The following CTNND2 variants were observed in gnomAD, a reference collection of about 807,000 sequenced individuals.
CTNND2 encodes catenin delta-2.
Under a neutral mutation model 144.4 loss-of-function variants are expected in CTNND2, and 22 were observed. The observed-to-expected ratio is 0.15, with a 90% CI of 0.11 to 0.22. The LOEUF (loss-of-function observed/expected upper bound fraction) is 0.22, where lower values mean the gene tolerates loss of function less well. Among genes scored for constraint, CTNND2 ranks in the 10% least tolerant of loss-of-function variants. CTNND2 has a pLI of 1.00. For missense variants in CTNND2, 1,353 were observed against 1,618.8 expected, an observed-to-expected ratio of 0.84 and a Z score of 2.82; for synonymous variants, 751 against 695.6, an observed-to-expected ratio of 1.08 and a Z score of -1.25.
At chr5:11,146,721 C>G (rs544147603) in intron 12 of CTNND2, among the ~76,000 whole-genome samples, 1 of 152,206 alleles carries the variant, frequency 6.6e-6, no homozygotes, top group Non-Finnish European at 1.5e-5. Context: ...ATGAGCACAT[C>G]GTGAGGACAA....
At chr5:11,347,336 C>T (rs1418837409) in intron 8 of CTNND2, among the ~76,000 whole-genome samples, 3 of 152,168 alleles carry the variant, frequency 2.0e-5, no homozygotes, top group African/African-American at 7.2e-5. Context: ...AAATAAGGAG[C>T]TGACTTAGCT....
intron 9 of CTNND2, among the ~76,000 whole-genome samples, chr5:11,318,252 T>C (rs1751699737): frequency 6.6e-6 from 1 of 152,180 alleles, no homozygotes; most frequent in Admixed American, 6.5e-5. Flanking sequence ...TCCCCTGCTA[T>C]CATCCCTTCT....
At chr5:11,111,600 C>T (rs116338395) in intron 13 of CTNND2, among the ~76,000 whole-genome samples, 35 of 152,284 alleles carry the variant, frequency 2.3e-4, no homozygotes, top group African/African-American at 7.7e-4. Flanking sequence ...AGATGCCTGA[C>T]ACTCATGTTT....
chr5:11,252,421 A>G (rs181792117), intron 9 of CTNND2, among the ~76,000 whole-genome samples: 18 of 152,334 alleles, frequency 1.2e-4, no homozygotes, highest in African/African-American at 3.8e-4. Context: ...CTACAGATTC[A>G]ATAATCAGAG....
chr5:11,344,319 A>G (rs1490552426), intron 9 of CTNND2, among the ~76,000 whole-genome samples: 3 of 152,030 alleles, frequency 2.0e-5, no homozygotes, highest in Non-Finnish European at 2.9e-5. Context: ...GTGAACCCGG[A>G]AGGCGGAGCT....
intron 7 of CTNND2, among the ~76,000 whole-genome samples, chr5:11,373,689 T>A (rs1340737199): frequency 6.6e-6 from 1 of 152,128 alleles, no homozygotes; most frequent in Non-Finnish European, 1.5e-5. Context: ...TGGCCAGGGG[T>A]CAAACTAATA....
intron 2 of CTNND2, among the ~76,000 whole-genome samples, chr5:11,664,262 A>G (rs1783433807): frequency 1.3e-5 from 2 of 152,218 alleles, no homozygotes; most frequent in Non-Finnish European, 2.9e-5. Context: ...ACAAACATTA[A>G]GAGTTTTCAG....
chr5:11,489,499 T>A (rs558132449), intron 3 of CTNND2, among the ~76,000 whole-genome samples: 7 of 152,292 alleles, frequency 4.6e-5, no homozygotes, highest in South Asian at 4.1e-4. Flanking sequence ...TTTCAAAAAT[T>A]CAATAAATGT....
intron 16 of CTNND2, among the ~76,000 whole-genome samples, chr5:11,045,471 T>C (rs372960293): frequency 1.3e-5 from 2 of 152,168 alleles, no homozygotes; most frequent in African/African-American, 4.8e-5. Context: ...TACTGAGGGA[T>C]CTGTCCCTGT....
chr5:11,270,018 A>G (rs961334145), intron 9 of CTNND2, among the ~76,000 whole-genome samples: 5 of 152,228 alleles, frequency 3.3e-5, no homozygotes, highest in Admixed American at 2.0e-4. Flanking sequence ...CAAACATTGT[A>G]TTTCACCAAT....
At chr5:11,876,321 G>C (rs1582047479) in intron 1 of CTNND2, among the ~76,000 whole-genome samples, 2 of 151,206 alleles carry the variant, frequency 1.3e-5, no homozygotes, top group African/African-American at 4.9e-5. Context: ...GGGAGGAGAA[G>C]AGAAGAGAGG....
intron 1 of CTNND2, among the ~76,000 whole-genome samples, chr5:11,772,757 G>A (rs769896208): frequency 2.0e-5 from 3 of 152,154 alleles, no homozygotes; most frequent in Non-Finnish European, 4.4e-5. Context: ...TTAAAGCCAC[G>A]GTGGGGGAGT....
At chr5:11,607,468 T>A (rs115606954) in intron 2 of CTNND2, among the ~76,000 whole-genome samples, 1,740 of 152,236 alleles carry the variant, frequency 0.011, 20 homozygotes, top group Non-Finnish European at 0.016. Flanking sequence ...ACAACAGTAA[T>A]CATATAGTTT....
chr5:11,025,106 G>A (rs1053639323), intron 16 of CTNND2, among the ~76,000 whole-genome samples: 4 of 151,740 alleles, frequency 2.6e-5, no homozygotes, highest in African/African-American at 7.2e-5. Flanking sequence ...TAGGCAATTG[G>A]AGATTTTTCA....
chr5:11,058,930 C>T (rs1006453144), intron 16 of CTNND2, among the ~76,000 whole-genome samples: 8 of 152,186 alleles, frequency 5.3e-5, no homozygotes, highest in Non-Finnish European at 1.2e-4. Context: ...GGTCCTGTAG[C>T]CCCTTTGTTT....
At chr5:11,769,374 T>G (rs2126821419) in intron 1 of CTNND2, among the ~76,000 whole-genome samples, 1 of 152,296 alleles carries the variant, frequency 6.6e-6, no homozygotes, top group South Asian at 2.1e-4. Flanking sequence ...AATAAGAGCA[T>G]ATCAGCAGAA....
intron 9 of CTNND2, among the ~76,000 whole-genome samples, chr5:11,249,328 A>C (rs180864337): frequency 6.6e-6 from 1 of 152,230 alleles, no homozygotes; most frequent in Admixed American, 6.5e-5. Context: ...ATAAGAAAGG[A>C]CTCACACCAT....
intron 2 of CTNND2, among the ~76,000 whole-genome samples, chr5:11,648,346 A>G (rs1478982884): frequency 1.3e-5 from 2 of 152,002 alleles, no homozygotes; most frequent in Non-Finnish European, 2.9e-5. Flanking sequence ...CTCAGCTGTC[A>G]CTTTCTAGGA....
At chr5:11,900,499 T>C (rs1019111766) in intron 1 of CTNND2, among the ~76,000 whole-genome samples, 9 of 152,366 alleles carry the variant, frequency 5.9e-5, no homozygotes, top group African/African-American at 1.9e-4. Flanking sequence ...GTAGGCTGGA[T>C]TGGCAGACAA....
Sources: gnomAD v4.1 joint callset for allele counts (sites outside exome capture counted in the v4.1 genomes callset) on GRCh38, gnomAD v4.1.1 for gene constraint, MANE v1.5 for transcripts, NCBI Gene and HGNC (gene_info 2026-07-23, HGNC 2026-07-21) for gene names.